Variants in GRM7 observed in about 807,000 individuals in gnomAD.
GRM7 encodes metabotropic glutamate receptor 7.
A neutral mutation model predicts 84.5 loss-of-function variants in GRM7; 35 were observed. That is an observed-to-expected ratio of 0.41 (90% confidence interval 0.32 to 0.55). The LOEUF (loss-of-function observed/expected upper bound fraction) is 0.55. GRM7 is among the 20% of genes least tolerant of loss of function. GRM7 has a pLI of 0.19. For missense variants in GRM7, 1,003 were observed against 1,194.6 expected (o/e 0.84, Z 2.36); for synonymous variants, 487 against 455.1 (o/e 1.07, Z -0.89).
chr3:7,668,529 C>G (rs569236790), intron 8 of GRM7, among the ~76,000 whole-genome samples: 4 of 152,222 alleles, frequency 2.6e-5, no homozygotes, highest in Middle Eastern at 3.4e-3. Context: ...TGAGAACTTG[C>G]CTAACAGAAC....
At chr3:6,890,582 C>T (rs1695893482) in intron 1 of GRM7, among the ~76,000 whole-genome samples, 1 of 152,134 alleles carries the variant, frequency 6.6e-6, no homozygotes, top group Non-Finnish European at 1.5e-5. Context: ...TTTGATTGCA[C>T]TGTGGTCTGA....
intron 5 of GRM7, chr3:7,451,813 C>G (rs897554040): frequency 1.3e-5 from 2 of 152,146 alleles, no homozygotes; most frequent in African/African-American, 4.8e-5. Context: ...CAGATGGGAG[C>G]AAAATGGTAA....
At chr3:6,926,259 T>G (rs1575022655) in intron 1 of GRM7, among the ~76,000 whole-genome samples, 1 of 152,332 alleles carries the variant, frequency 6.6e-6, no homozygotes, top group Non-Finnish European at 1.5e-5. Flanking sequence ...TATCCATTGA[T>G]CTATCTGCTT....
chr3:7,424,949 T>C (rs1696542694), intron 5 of GRM7, among the ~76,000 whole-genome samples: 1 of 152,174 alleles, frequency 6.6e-6, no homozygotes, highest in African/African-American at 2.4e-5. Context: ...TTATTTCCAT[T>C]ATACACGTGA....
intron 7 of GRM7, among the ~76,000 whole-genome samples, chr3:7,541,115 T>A (rs1692862761): frequency 6.6e-6 from 1 of 152,156 alleles, no homozygotes; most frequent in Non-Finnish European, 1.5e-5. Flanking sequence ...AATATTCAGG[T>A]TCTTAAATTA....
At chr3:7,118,671 A>T (rs964120246) in intron 1 of GRM7, among the ~76,000 whole-genome samples, 1 of 151,854 alleles carries the variant, frequency 6.6e-6, no homozygotes, top group Non-Finnish European at 1.5e-5. Context: ...CCTTTCTAGT[A>T]GTGAGATAAA....
At chr3:7,111,947 G>A (rs1447175000) in intron 1 of GRM7, among the ~76,000 whole-genome samples, 1 of 152,010 alleles carries the variant, frequency 6.6e-6, no homozygotes, top group African/African-American at 2.4e-5. Flanking sequence ...TTAAAATTAA[G>A]CCTGAGATTG....
chr3:6,975,489 T>C (rs1693952886), intron 1 of GRM7, among the ~76,000 whole-genome samples: 1 of 152,182 alleles, frequency 6.6e-6, no homozygotes, highest in Admixed American at 6.5e-5. Flanking sequence ...TTTTAGGAAT[T>C]AGACAAAATC....
At chr3:7,124,993 C>T (rs993764533) in intron 1 of GRM7, among the ~76,000 whole-genome samples, 3 of 152,136 alleles carry the variant, frequency 2.0e-5, no homozygotes, top group Admixed American at 6.5e-5. Context: ...GGCTGGAGTG[C>T]AGTGGCGCGG....
chr3:7,632,487 A>G (rs893396822), intron 8 of GRM7, among the ~76,000 whole-genome samples: 3 of 152,230 alleles, frequency 2.0e-5, no homozygotes, highest in African/African-American at 7.2e-5. Context: ...ATTATTTAAA[A>G]GGAAATGCTG....
intron 1 of GRM7, among the ~76,000 whole-genome samples, chr3:7,056,435 C>T (rs954289561): frequency 6.6e-6 from 1 of 152,010 alleles, no homozygotes; most frequent in Admixed American, 6.6e-5. Context: ...CATGTATATG[C>T]TTCTCACTCC....
chr3:7,349,997 T>C (rs1693065122), intron 4 of GRM7, among the ~76,000 whole-genome samples: 1 of 152,104 alleles, frequency 6.6e-6, no homozygotes, highest in East Asian at 1.9e-4. Context: ...AGAGCATATT[T>C]TCTTGACTTC....
intron 9 of GRM7, among the ~76,000 whole-genome samples, chr3:7,694,182 A>ATC (rs1700928955): frequency 6.6e-6 from 1 of 152,174 alleles, no homozygotes; most frequent in Non-Finnish European, 1.5e-5. Context: ...AGAAAAGATC[A>ATC]TCTCTCTGTG....
intron 1 of GRM7, among the ~76,000 whole-genome samples, chr3:7,040,436 G>A (rs1696555272): frequency 1.3e-5 from 2 of 151,974 alleles, no homozygotes; most frequent in South Asian, 2.1e-4. Context: ...CCGAGTAGCT[G>A]GGACTACAGG....
At chr3:7,454,912 CAT>C (rs548565281) in intron 6 of GRM7, among the ~76,000 whole-genome samples, 125 of 152,196 alleles carry the variant, frequency 8.2e-4, no homozygotes, top group Non-Finnish European at 1.4e-3. Flanking sequence ...ATGTAGCACA[CAT>C]ATCTTATTTA....
chr3:6,947,964 G>T (rs1232869256), intron 1 of GRM7, among the ~76,000 whole-genome samples: 4 of 152,020 alleles, frequency 2.6e-5, no homozygotes, highest in South Asian at 4.2e-4. Flanking sequence ...TATTAGTCTT[G>T]CTAGCAGTCT....
At chr3:7,433,778 C>CA (rs1349620441) in intron 5 of GRM7, among the ~76,000 whole-genome samples, 1 of 152,000 alleles carries the variant, frequency 6.6e-6, no homozygotes, top group African/African-American at 2.4e-5. Flanking sequence ...AGAAGGCTTA[C>CA]AAAAAATGGG....
rs1207041327 is a variant in GRM7 at position 7,029,315 on chromosome 3, C to CA, written c.520-117125dup. On this transcript the variant is annotated intron_variant, in intron 1 of 9. Transcript: ENST00000357716. ...AGACTCTGCCTCAAAAAAAAAAAAA[C>CA]AAAAAAAAAAAACAAACAAAAAAAA... Among the ~76,000 whole-genome samples the CA allele has an allele frequency of 4.7e-3, 434 of 92,706 alleles. 1 individual carries two copies. Among genetic ancestry groups the CA allele is most frequent in the South Asian group, 0.012 (30 of 2,404 alleles). The allele number at this position is 92,706 out of a possible 152,430, so 60.8% of individuals were successfully genotyped here. A position where few individuals can be genotyped will look rare whatever the true frequency, so the allele number is the denominator to read the frequency against.
At chr3:7,206,270 T>C (rs1006904050) in intron 2 of GRM7, among the ~76,000 whole-genome samples, 8 of 152,176 alleles carry the variant, frequency 5.3e-5, no homozygotes, top group Non-Finnish European at 1.2e-4. Flanking sequence ...TTGTTAGCAG[T>C]TCCTATTAAA....
Sources: allele counts gnomAD v4.1 joint callset (sites outside exome capture counted in the v4.1 genomes callset), GRCh38; gene constraint gnomAD v4.1.1; transcripts MANE v1.5; gene names NCBI Gene and HGNC (gene_info 2026-07-23, HGNC 2026-07-21).